Variants in CLSTN2 observed in about 807,000 individuals in gnomAD.
CLSTN2 encodes calsyntenin 2.
A neutral mutation model predicts 101.2 loss-of-function variants in CLSTN2; 48 were observed. The observed-to-expected ratio is 0.47, with a 90% CI of 0.38 to 0.60. CLSTN2 has a LOEUF of 0.60. Ranked by LOEUF, CLSTN2 falls within the 20% of genes least tolerant of loss-of-function variation. The pLI, the probability that CLSTN2 is intolerant of heterozygous loss-of-function variation, is 0.00. For synonymous variants in CLSTN2, 481 were observed against 463.6 expected (o/e 1.04, Z -0.48); for missense variants, 1,160 against 1,238.2 (o/e 0.94, Z 0.95).
At chr3:140,563,003 C>A in intron 14 of CLSTN2, 47 bp downstream of exon 14, 1 of 1,612,118 alleles carries the variant, frequency 6.2e-7, no homozygotes. Flanking sequence ...TCACCCATTC[C>A]CTCATTCATT....
intron 2 of CLSTN2, among the ~76,000 whole-genome samples, chr3:140,181,188 A>T (rs2010402392): frequency 6.6e-6 from 1 of 152,202 alleles, no homozygotes; most frequent in Non-Finnish European, 1.5e-5. Flanking sequence ...CCTTATATTT[A>T]AAATGGGGGT....
rs141876117 is a variant in CLSTN2 at position 140,242,228 on chromosome 3, A to G, written c.232+66155A>G. Among the ~76,000 whole-genome samples the G allele has an allele frequency of 4.4e-3, 671 of 152,254 alleles. 4 individuals carry two copies. Among genetic ancestry groups the G allele is most frequent in the African/African-American group, 0.015 (617 of 41,544 alleles). On this transcript the variant is annotated intron_variant, in intron 2 of 16. Transcript: ENST00000458420. ...CACCCAGCCACAGTATTTTATAAAT[A>G]CATAAAAATAGAAGAAACCTGGCCA...
At chr3:140,459,330 C>G (rs2108015998) in intron 6 of CLSTN2, among the ~76,000 whole-genome samples, 191 bp from the exon 7 acceptor site, 1 of 152,344 alleles carries the variant, frequency 6.6e-6, no homozygotes, top group Non-Finnish European at 1.5e-5. Flanking sequence ...TGATGCCTCC[C>G]CAAGAAAACC....
At chr3:140,246,901 C>T (rs1341645872) in intron 2 of CLSTN2, among the ~76,000 whole-genome samples, 3 of 152,106 alleles carry the variant, frequency 2.0e-5, no homozygotes, top group African/African-American at 4.8e-5. Context: ...GACTTGGGAC[C>T]GAATCCTAGG....
At chr3:140,370,973 A>G (rs2107957341) in intron 2 of CLSTN2, among the ~76,000 whole-genome samples, 1 of 151,942 alleles carries the variant, frequency 6.6e-6, no homozygotes, top group Admixed American at 6.6e-5. Flanking sequence ...GACATCAAAC[A>G]CCCTTCTGAA....
chr3:139,964,813 G>C (rs955292844), intron 1 of CLSTN2, among the ~76,000 whole-genome samples: 1 of 152,114 alleles, frequency 6.6e-6, no homozygotes, highest in Non-Finnish European at 1.5e-5. Context: ...CATTTTGCTG[G>C]TTGCATGCAG....
intron 1 of CLSTN2, among the ~76,000 whole-genome samples, chr3:140,134,555 C>T (rs1274316345): frequency 6.6e-6 from 1 of 152,138 alleles, no homozygotes; most frequent in African/African-American, 2.4e-5. Flanking sequence ...GAAACTCAGC[C>T]CGTGCCAAAG....
At chr3:140,522,716 C>G (rs1935056760) in intron 8 of CLSTN2, among the ~76,000 whole-genome samples, 1 of 152,212 alleles carries the variant, frequency 6.6e-6, no homozygotes, top group African/African-American at 2.4e-5. Context: ...CATCTATCTT[C>G]AGATTCACTA....
At chr3:140,049,532 C>A (rs1263250077) in intron 1 of CLSTN2, among the ~76,000 whole-genome samples, 1 of 152,190 alleles carries the variant, frequency 6.6e-6, no homozygotes, top group East Asian at 1.9e-4. Context: ...GGGACTATTA[C>A]CTCCAGTACT....
chr3:140,175,929 T>C (rs1459648718), intron 1 of CLSTN2, 22 bp from the exon 2 acceptor site: 1 of 1,603,320 alleles, frequency 6.2e-7, no homozygotes, highest in South Asian at 1.1e-5. Flanking sequence ...ATCCTTTTTG[T>C]TTTTTCCCCC....
chr3:140,475,841 T>C (rs1200715041), intron 8 of CLSTN2, among the ~76,000 whole-genome samples: 1 of 152,188 alleles, frequency 6.6e-6, no homozygotes, highest in African/African-American at 2.4e-5. Flanking sequence ...CTAATACATA[T>C]TTAAAATCAG....
chr3:140,395,313 G>C (rs1162251230), intron 2 of CLSTN2, among the ~76,000 whole-genome samples: 1 of 152,150 alleles, frequency 6.6e-6, no homozygotes, highest in Admixed American at 6.5e-5. Context: ...GCTGCTTGCA[G>C]GCCAGAAGGC....
chr3:140,035,215 C>T (rs572036260), intron 1 of CLSTN2, among the ~76,000 whole-genome samples: 1 of 152,336 alleles, frequency 6.6e-6, no homozygotes, highest in Non-Finnish European at 1.5e-5. Flanking sequence ...TTAATGGACT[C>T]TCAGCTGTAG....
At chr3:140,507,700 T>C (rs535180051) in intron 8 of CLSTN2, 1 of 152,288 alleles carries the variant, frequency 6.6e-6, no homozygotes, top group South Asian at 2.1e-4. Context: ...CCTCTACTCA[T>C]AGGATGTCTT....
intron 1 of CLSTN2, among the ~76,000 whole-genome samples, chr3:140,173,506 C>A (rs2010271473): frequency 6.6e-6 from 1 of 152,218 alleles, no homozygotes; most frequent in Non-Finnish European, 1.5e-5. Context: ...TCTCTTCTCA[C>A]AGCTCCACTA....
chr3:140,049,513 C>T lies in CLSTN2; in HGVS notation c.109+114030C>T, dbSNP rs191040966. Among the ~76,000 whole-genome samples the T allele has an allele frequency of 1.4e-3, 218 of 152,300 alleles. 1 individual carries two copies. Among genetic ancestry groups the T allele is most frequent in the African/African-American group, 4.8e-3 (201 of 41,576 alleles). Reference sequence around the variant, plus strand: ...CATCTTTATTTTCTCTTCTCAGCCTCCCTGAGGGGGGACTATTACCTCCAG... The same window carrying T: ...CATCTTTATTTTCTCTTCTCAGCCTTCCTGAGGGGGGACTATTACCTCCAG... On this transcript the variant is annotated intron_variant, in intron 1 of 16. Coordinates refer to ENST00000458420, the MANE Select transcript of CLSTN2 (RefSeq NM_022131.3).
At chr3:140,560,474 A>C (rs901124403) in intron 12 of CLSTN2, among the ~76,000 whole-genome samples, 4 of 152,052 alleles carry the variant, frequency 2.6e-5, no homozygotes. Context: ...GCACCTCCCC[A>C]AGAAGGCTGT....
intron 8 of CLSTN2, chr3:140,507,319 A>C (rs1240155441): frequency 6.6e-6 from 1 of 152,210 alleles, no homozygotes; most frequent in Non-Finnish European, 1.5e-5. Flanking sequence ...AAATGTAACT[A>C]ACTCTCCTGA....
intron 4 of CLSTN2, among the ~76,000 whole-genome samples, chr3:140,411,548 T>A (rs2088363844): frequency 6.6e-6 from 1 of 152,250 alleles, no homozygotes; most frequent in Admixed American, 6.5e-5. Context: ...GGATTTGAAC[T>A]GTTATACTTT....
Sources: allele counts gnomAD v4.1 joint callset (sites outside exome capture counted in the v4.1 genomes callset), GRCh38; gene constraint gnomAD v4.1.1; transcripts MANE v1.5; gene names NCBI Gene and HGNC (gene_info 2026-07-23, HGNC 2026-07-21).